NCS1: variants seen among roughly 807,000 people sequenced by gnomAD.
The protein encoded by NCS1 is neuronal calcium sensor 1.
A neutral mutation model predicts 28.4 loss-of-function variants in NCS1; 6 were observed. The observed-to-expected ratio is 0.21, with a 90% CI of 0.12 to 0.42. The LOEUF (loss-of-function observed/expected upper bound fraction) is 0.42. Ranked by LOEUF, NCS1 falls within the 10% of genes least tolerant of loss-of-function variation. The probability of loss-of-function intolerance (pLI) is 1.00; values close to 1 mark genes in which losing one functional copy is unlikely to be tolerated. For synonymous variants in NCS1, 86 were observed against 99.3 expected, an observed-to-expected ratio of 0.87 and a Z score of 0.79; for missense variants, 131 against 241.4, an observed-to-expected ratio of 0.54 and a Z score of 3.03.
At chr9:130,221,054 C>CA (rs1482626195) in intron 4 of NCS1, among the ~76,000 whole-genome samples, 2 of 151,994 alleles carry the variant, frequency 1.3e-5, no homozygotes, top group Non-Finnish European at 2.9e-5. Context: ...GACAGAGTCT[C>CA]GCTCTGTTGC....
At chr9:130,188,831 T>C (rs1249595410) in intron 1 of NCS1, among the ~76,000 whole-genome samples, 5 of 151,960 alleles carry the variant, frequency 3.3e-5, no homozygotes, top group African/African-American at 1.2e-4. Flanking sequence ...ATTCTCCTGT[T>C]TCAGCCTCCC....
intron 1 of NCS1, among the ~76,000 whole-genome samples, chr9:130,173,646 G>T (rs1035243714): frequency 1.3e-5 from 2 of 152,206 alleles, no homozygotes; most frequent in African/African-American, 4.8e-5. Flanking sequence ...CTCTGCCTGG[G>T]TGTTTGACTT....
In NCS1 at chr9:130,172,559, C is replaced by T; in HGVS notation, c.-105C>T. The T allele has an allele frequency of 4.4e-6, 2 of 451,858 alleles. No homozygotes were observed. The highest frequency in any genetic ancestry group is 6.0e-6 in the Non-Finnish European group (2 of 334,406). The allele number at this position is 451,858 out of a possible 1,614,324, so 28.0% of individuals were successfully genotyped here. A position where few individuals can be genotyped will look rare whatever the true frequency, so the allele number is the denominator to read the frequency against. ...CAGCCGCGCAGCGCAGCGCGGGCGC[C>T]GCAGACAAAGGCGCGGCCCCGGCCC... On this transcript the variant is annotated 5_prime_UTR_variant, in exon 1 of 8. Coordinates refer to ENST00000372398, the MANE Select transcript of NCS1 (RefSeq NM_014286.4).
chr9:130,233,468 G>A lies in NCS1; in HGVS notation c.*496G>A, dbSNP rs888430305. On this transcript the variant is annotated 3_prime_UTR_variant, in exon 8 of 8. Transcript: ENST00000372398. This position sits in a 1 kb window ranked among gnomAD's most constrained non-coding sequence, Gnocchi z 4.8. ...GCCGGAGAGGCTGTGGGTGGGCCGA[G>A]GGTGTCTAGGGGTTCTGCCTGGTCA... 1 of 152,562 alleles carries A rather than the reference G, an allele frequency of 6.6e-6. No homozygotes were observed. Among genetic ancestry groups the A allele is most frequent in the Non-Finnish European group, 1.5e-5 (1 of 68,040 alleles). The allele number at this position is 152,562 out of a possible 1,614,324, so 9.5% of individuals were successfully genotyped here. A position where few individuals can be genotyped will look rare whatever the true frequency, so the allele number is the denominator to read the frequency against.
intron 1 of NCS1, among the ~76,000 whole-genome samples, chr9:130,198,140 G>A (rs1554907047): frequency 1.3e-5 from 2 of 152,194 alleles, no homozygotes; most frequent in Non-Finnish European, 2.9e-5. Flanking sequence ...CCGGTTCCCT[G>A]GGGCTCGGCT....
chr9:130,200,865 A>T, intron 1 of NCS1, 93 bp from the exon 2 acceptor site: 1 of 1,537,588 alleles, frequency 6.5e-7, no homozygotes, highest in Non-Finnish European at 9.0e-7. Context: ...TGGGGAGGGG[A>T]GGGCTGGAGG....
intron 1 of NCS1, among the ~76,000 whole-genome samples, chr9:130,196,616 G>C (rs1208579271): frequency 6.6e-6 from 1 of 152,162 alleles, no homozygotes; most frequent in Non-Finnish European, 1.5e-5. Flanking sequence ...GCAGGTGCCT[G>C]TAATCTTGGC....
chr9:130,228,673 T>C (rs1426276534), intron 7 of NCS1, among the ~76,000 whole-genome samples: 1 of 147,404 alleles, frequency 6.8e-6, no homozygotes. Context: ...CTTTCTTTCT[T>C]TTTTTTTTTT....
At chr9:130,195,839 G>A (rs1554906778) in intron 1 of NCS1, among the ~76,000 whole-genome samples, 2 of 152,254 alleles carry the variant, frequency 1.3e-5, no homozygotes, top group African/African-American at 4.8e-5. Context: ...GAACTCCAGT[G>A]GGGTCAGGAT....
In NCS1 at chr9:130,177,634, A is replaced by G. The variant is rs1832591764; in HGVS notation, c.64+4907A>G. On this transcript the variant is annotated intron_variant, in intron 1 of 7. Coordinates refer to ENST00000372398, the MANE Select transcript of NCS1 (RefSeq NM_014286.4). This position sits in a 1 kb window ranked among gnomAD's most constrained non-coding sequence, Gnocchi z 4.4. Reference sequence around the variant, plus strand: ...CTGGGCAAGAAACATCACCTGTGTTATTAGGAGAGGACTCGATCCCCTGCG... The same window carrying G: ...CTGGGCAAGAAACATCACCTGTGTTGTTAGGAGAGGACTCGATCCCCTGCG... Among the ~76,000 whole-genome samples the G allele has an allele frequency of 6.7e-6, 1 of 149,306 alleles. No individual in the cohort carries two copies. Among genetic ancestry groups the G allele is most frequent in the South Asian group, 2.1e-4 (1 of 4,830 alleles).
intron 4 of NCS1, among the ~76,000 whole-genome samples, chr9:130,222,141 C>T (rs1233744821): frequency 9.2e-4 from 117 of 127,116 alleles, no homozygotes; most frequent in Non-Finnish European, 1.5e-3. Context: ...TATATATATA[C>T]GTATATATAT....
chr9:130,223,274 G>A (rs1833365161), intron 6 of NCS1, 115 bp downstream of exon 6: 3 of 907,462 alleles, frequency 3.3e-6, no homozygotes, highest in Middle Eastern at 3.0e-4. Context: ...CATGGCTCAC[G>A]GCAGGCGGCA....
chr9:130,175,963 C>T lies in NCS1; in HGVS notation c.64+3236C>T, dbSNP rs1405717785. On this transcript the variant is annotated intron_variant, in intron 1 of 7. Coordinates refer to ENST00000372398, the MANE Select transcript of NCS1 (RefSeq NM_014286.4). This position sits in a 1 kb window ranked among gnomAD's most constrained non-coding sequence, Gnocchi z 4.9. ...CCCGGCTGTGGGATGGGCCGGTCCC[C>T]TCACCTACCTGAGCCTCAGTTTCCT... 6.6e-6 allele frequency among the ~76,000 whole-genome samples: 1 copy of T among 152,178 alleles called. No individual in the cohort carries two copies. Among genetic ancestry groups the T allele is most frequent in the African/African-American group, 2.4e-5 (1 of 41,434 alleles).
chr9:130,195,659 A>G (rs1448627565), intron 1 of NCS1, among the ~76,000 whole-genome samples: 1 of 152,210 alleles, frequency 6.6e-6, no homozygotes, highest in Non-Finnish European at 1.5e-5. Context: ...CCTGGCCTCG[A>G]GTAATCCGCC....
At chr9:130,202,418 G>A (rs964956175) in intron 2 of NCS1, among the ~76,000 whole-genome samples, 4 of 136,698 alleles carry the variant, frequency 2.9e-5, no homozygotes, top group South Asian at 2.4e-4. Context: ...TGGGACAGCC[G>A]ATGACTTACT....
rs782087316 is a variant in NCS1, at chr9:130,232,700, C to T, written c.*18-290C>T. ...ACTTGGGAGGCTGAGGCAGGAGAAT[C>T]GCTTGAACCCAAGAGGTGGAGGTTG... On this transcript the variant is annotated intron_variant, in intron 7 of 7. Transcript: ENST00000372398. This position sits in a 1 kb window ranked among gnomAD's most constrained non-coding sequence, Gnocchi z 4.4. Among the ~76,000 whole-genome samples, 4 of 152,032 alleles carry T rather than the reference C, an allele frequency of 2.6e-5. No homozygotes were observed. The highest frequency in any genetic ancestry group is 4.8e-5 in the African/African-American group (2 of 41,374).
chr9:130,199,689 G>T (rs143037837), intron 1 of NCS1, among the ~76,000 whole-genome samples: 43 of 152,368 alleles, frequency 2.8e-4, no homozygotes, highest in African/African-American at 1.0e-3. Flanking sequence ...CCTGGGCGCA[G>T]ATTCGGGCTT....
chr9:130,200,499 C>G, intron 1 of NCS1: 1 of 1,428,922 alleles, frequency 7.0e-7, no homozygotes, highest in East Asian at 2.5e-5. Flanking sequence ...TGAGAGCTGC[C>G]CCTTTTCAGC....
intron 2 of NCS1, 77 bp from the exon 3 acceptor site, chr9:130,217,755 C>G: frequency 6.2e-7 from 1 of 1,604,220 alleles, no homozygotes; most frequent in Non-Finnish European, 8.5e-7. Context: ...TCCTGGGCCC[C>G]GGGCAGGCGA....
Sources: allele counts gnomAD v4.1 joint callset (sites outside exome capture counted in the v4.1 genomes callset), GRCh38; gene constraint gnomAD v4.1.1; non-coding constraint Gnocchi (gnomAD v3.1); transcripts MANE v1.5; gene names NCBI Gene and HGNC (gene_info 2026-07-23, HGNC 2026-07-21).